SRRM4: variants seen among roughly 807,000 people sequenced by gnomAD.
SRRM4 encodes the protein serine/arginine repetitive matrix 4.
In SRRM4, 33 loss-of-function variants were observed where a neutral mutation model predicts 68.9. That is an observed-to-expected ratio of 0.48 (90% CI 0.36 to 0.64). The LOEUF is 0.64. SRRM4 is among the 30% of genes least tolerant of loss of function. The pLI, the probability that SRRM4 is intolerant of heterozygous loss-of-function variation, is 0.00. For synonymous variants in SRRM4, 318 were observed against 318.8 expected, an observed-to-expected ratio of 1.00 and a Z score of 0.03; for missense variants, 817 against 827.1, an observed-to-expected ratio of 0.99 and a Z score of 0.15.
intron 1 of SRRM4, among the ~76,000 whole-genome samples, chr12:119,067,204 T>A (rs1178935861): frequency 2.0e-5 from 3 of 152,172 alleles, no homozygotes; most frequent in Non-Finnish European, 4.4e-5. Context: ...ATTAAAACTT[T>A]TACGAGGGCA....
intron 1 of SRRM4, among the ~76,000 whole-genome samples, chr12:119,005,771 T>C (rs946312971): frequency 6.6e-6 from 1 of 152,196 alleles, no homozygotes; most frequent in Non-Finnish European, 1.5e-5. Flanking sequence ...GATGTTACTG[T>C]TGTTACTATC....
chr12:119,089,897 A>T (rs534606327), intron 1 of SRRM4, among the ~76,000 whole-genome samples: 4 of 152,360 alleles, frequency 2.6e-5, no homozygotes, highest in African/African-American at 7.2e-5. Flanking sequence ...TAACTGCCTT[A>T]TGAAGCAGGT....
chr12:119,039,660 G>A (rs1953652634), intron 1 of SRRM4, among the ~76,000 whole-genome samples: 3 of 152,110 alleles, frequency 2.0e-5, no homozygotes, highest in Admixed American at 2.0e-4. Flanking sequence ...TACAAAGGTG[G>A]TATATAAACC....
intron 1 of SRRM4, among the ~76,000 whole-genome samples, chr12:119,025,750 C>T (rs961990101): frequency 1.3e-5 from 2 of 151,916 alleles, no homozygotes; most frequent in Admixed American, 6.6e-5. Context: ...GTCTCATATA[C>T]GGATTTTACT....
chr12:119,028,937 G>A (rs1953568320), intron 1 of SRRM4, among the ~76,000 whole-genome samples: 1 of 152,202 alleles, frequency 6.6e-6, no homozygotes, highest in Admixed American at 6.5e-5. Context: ...TAGCAGGAGG[G>A]ATTATGGTGA....
chr12:119,010,372 A>C (rs759852885), intron 1 of SRRM4, among the ~76,000 whole-genome samples: 4 of 152,240 alleles, frequency 2.6e-5, no homozygotes, highest in Non-Finnish European at 4.4e-5. Flanking sequence ...ATTTTCTGAG[A>C]TGAATCATTG....
intron 1 of SRRM4, among the ~76,000 whole-genome samples, chr12:119,093,053 C>A (rs971294721): frequency 3.3e-5 from 5 of 152,188 alleles, no homozygotes; most frequent in Admixed American, 2.6e-4. Context: ...TCATCACTTT[C>A]AAGTCTTTGC....
In SRRM4 at chr12:119,159,625, G is replaced by T. The variant is rs1385967986; in HGVS notation, c.*2827G>T. The T allele has an allele frequency of 6.6e-6, 1 of 152,148 alleles. No individual in the cohort carries two copies. Among genetic ancestry groups the T allele is most frequent in the Non-Finnish European group, 1.5e-5 (1 of 68,046 alleles). 9.4% of individuals were successfully genotyped at this position (152,148 alleles called of 1,614,324 possible). On this transcript the variant is annotated 3_prime_UTR_variant, in exon 13 of 13. Coordinates refer to ENST00000267260, the MANE Select transcript of SRRM4 (RefSeq NM_194286.4). ...AGCTGACTGAGGGAAGATGCACCTTGATCTCACCCTCACTCCAAGGCACAT... is the reference window on the plus strand; with the variant it reads ...AGCTGACTGAGGGAAGATGCACCTTTATCTCACCCTCACTCCAAGGCACAT...
intron 1 of SRRM4, among the ~76,000 whole-genome samples, chr12:119,083,113 G>A (rs1337483249): frequency 6.6e-6 from 1 of 152,026 alleles, no homozygotes; most frequent in African/African-American, 2.4e-5. Flanking sequence ...ACAGCCATGT[G>A]CTGCAGCCCT....
chr12:119,142,911 G>T (rs565497776), intron 8 of SRRM4, among the ~76,000 whole-genome samples: 2 of 152,306 alleles, frequency 1.3e-5, no homozygotes, highest in East Asian at 3.9e-4. Flanking sequence ...TGCAAAACAA[G>T]AAGACAAATA....
chr12:119,110,768 A>G (rs1244057154), intron 2 of SRRM4, among the ~76,000 whole-genome samples: 1 of 152,082 alleles, frequency 6.6e-6, no homozygotes, highest in Non-Finnish European at 1.5e-5. Flanking sequence ...GACCCCTTGC[A>G]CTTCCCAGGT....
chr12:119,100,959 C>T (rs370081247), intron 1 of SRRM4, among the ~76,000 whole-genome samples: 7 of 152,164 alleles, frequency 4.6e-5, no homozygotes, highest in Non-Finnish European at 1.0e-4. Context: ...TCTACCAGCT[C>T]GGCTTCTAAA....
At chr12:119,008,782 G>A (rs1200995395) in intron 1 of SRRM4, among the ~76,000 whole-genome samples, 2 of 151,916 alleles carry the variant, frequency 1.3e-5, no homozygotes, top group African/African-American at 4.8e-5. Flanking sequence ...CAGAGCCAAC[G>A]GGCCGCCCCT....
intron 1 of SRRM4, among the ~76,000 whole-genome samples, chr12:119,042,547 AG>A (rs1425079404): frequency 1.3e-5 from 2 of 151,604 alleles, no homozygotes; most frequent in East Asian, 3.9e-4. Context: ...CAGAAGCAAA[AG>A]GCAGATCTGA....
chr12:119,091,709 CAG>C (rs772930890), intron 1 of SRRM4, among the ~76,000 whole-genome samples: 2 of 152,186 alleles, frequency 1.3e-5, no homozygotes, highest in Non-Finnish European at 2.9e-5. Context: ...AGTGGTCAGG[CAG>C]AGTCTATCCG....
chr12:119,010,578 G>A (rs73405982), intron 1 of SRRM4, among the ~76,000 whole-genome samples: 7 of 152,180 alleles, frequency 4.6e-5, no homozygotes, highest in African/African-American at 1.2e-4. Context: ...CTGGGAATAC[G>A]TACACTCATA....
In SRRM4 at chr12:119,157,130, A is replaced by G. The variant is rs952132499; in HGVS notation, c.*332A>G. On this transcript the variant is annotated 3_prime_UTR_variant, in exon 13 of 13. Coordinates refer to ENST00000267260, the MANE Select transcript of SRRM4 (RefSeq NM_194286.4). The surrounding 1 kb of genome is among the most constrained non-coding windows in gnomAD (Gnocchi z 4.1). ...GTGACTCAAAAATTGAGCCCTGGCC[A>G]GGAAAATGTGGAGACAGTTCTTCTC... 6.9e-6 allele frequency: 2 copies of G among 288,572 alleles called. No homozygotes were observed. The highest frequency in any genetic ancestry group is 1.3e-4 in the East Asian group (2 of 15,286). 17.9% of individuals were successfully genotyped at this position (288,572 alleles called of 1,614,324 possible). A position where few individuals can be genotyped will look rare whatever the true frequency, so the allele number is the denominator to read the frequency against.
chr12:119,031,550 A>G (rs1953589996), intron 1 of SRRM4, among the ~76,000 whole-genome samples: 1 of 152,206 alleles, frequency 6.6e-6, no homozygotes, highest in South Asian at 2.1e-4. Context: ...TAGAATTGCT[A>G]GACAAAATGA....
chr12:119,135,878 C>T (rs1201475334), intron 8 of SRRM4, among the ~76,000 whole-genome samples: 2 of 152,176 alleles, frequency 1.3e-5, no homozygotes, highest in Middle Eastern at 3.4e-3. Flanking sequence ...GTCTTTGGGC[C>T]TCATATCCTT....
Sources: allele counts gnomAD v4.1 joint callset (sites outside exome capture counted in the v4.1 genomes callset), GRCh38; gene constraint gnomAD v4.1.1; non-coding constraint Gnocchi (gnomAD v3.1); transcripts MANE v1.5; gene names NCBI Gene and HGNC (gene_info 2026-07-23, HGNC 2026-07-21).